Variants in IMMP2L observed in about 807,000 individuals in gnomAD.
The protein encoded by IMMP2L is inner mitochondrial membrane peptidase subunit 2, also known as mitochondrial inner membrane protease subunit 2.
IMMP2L carries 18 observed loss-of-function variants against 19.3 expected under a neutral mutation model. The ratio of observed to expected loss-of-function variants is 0.93; its 90% confidence interval spans 0.64 to 1.38. The LOEUF is 1.38. IMMP2L is among the 40% of genes most tolerant of loss of function. The pLI is 0.00. For missense variants in IMMP2L, 233 were observed against 218.2 expected (o/e 1.07, Z -0.43); for synonymous variants, 76 against 73.0 (o/e 1.04, Z -0.21).
intron 3 of IMMP2L, among the ~76,000 whole-genome samples, chr7:111,243,842 G>GAA (rs1554409865): frequency 2.9e-4 from 4 of 13,584 alleles, no homozygotes; most frequent in Non-Finnish European, 5.7e-4. Flanking sequence ...CAAAGGATAT[G>GAA]AACTCATCAT....
chr7:110,999,682 T>C (rs1823449449), intron 3 of IMMP2L, among the ~76,000 whole-genome samples: 1 of 152,066 alleles, frequency 6.6e-6, no homozygotes, highest in African/African-American at 2.4e-5. Flanking sequence ...GTTTCTTCTT[T>C]GTTTATTTGA....
chr7:110,875,386 T>C (rs1808963300), intron 5 of IMMP2L, among the ~76,000 whole-genome samples: 2 of 152,028 alleles, frequency 1.3e-5, no homozygotes, highest in Admixed American at 1.3e-4. Context: ...TGCTTTGTTT[T>C]TGTGTTTGTG....
chr7:111,176,990 A>C (rs537285992), intron 3 of IMMP2L, among the ~76,000 whole-genome samples: 1 of 152,176 alleles, frequency 6.6e-6, no homozygotes, highest in South Asian at 2.1e-4. Context: ...TATACACTTC[A>C]TTGGATGAAT....
intron 5 of IMMP2L, among the ~76,000 whole-genome samples, chr7:110,852,203 T>TGGAA (rs1423022603): frequency 7.2e-6 from 1 of 138,142 alleles, no homozygotes; most frequent in African/African-American, 2.8e-5. Context: ...GATGGAAGGA[T>TGGAA]GGATGGATGG....
At chr7:111,451,693 C>T (rs1423075132) in intron 3 of IMMP2L, among the ~76,000 whole-genome samples, 1 of 146,876 alleles carries the variant, frequency 6.8e-6, no homozygotes, top group Non-Finnish European at 1.5e-5. Context: ...GCACATGTAC[C>T]CTAAAACTTA....
At chr7:111,446,345 C>T (rs907976181) in intron 3 of IMMP2L, among the ~76,000 whole-genome samples, 3 of 142,562 alleles carry the variant, frequency 2.1e-5, no homozygotes, top group African/African-American at 8.7e-5. Context: ...TCTCCCAGCA[C>T]ACAGCTGGAG....
At position 110,955,528 on chromosome 7, in the gene IMMP2L, A is replaced by AGACAGGTG. The variant is rs555188278; in HGVS notation, c.305+7964_305+7971dup. 2.0e-4 allele frequency among the ~76,000 whole-genome samples: 30 copies of AGACAGGTG among 151,906 alleles called. No homozygotes were observed. In the South Asian group the frequency reaches 5.6e-3, roughly 28 times the overall value. On this transcript the variant is annotated intron_variant, in intron 4 of 5. Coordinates refer to ENST00000405709, the MANE Select transcript of IMMP2L (RefSeq NM_032549.4). Reference sequence around the variant, plus strand: ...GCATCGGTCAGACCCCAAGCAGTAAAGACAGGTGTACAATACTATTTTAAT... The same window carrying AGACAGGTG: ...GCATCGGTCAGACCCCAAGCAGTAAAGACAGGTGGACAGGTGTACAATACTATTTTAAT...
chr7:111,281,376 A>G (rs1819871270), intron 3 of IMMP2L, among the ~76,000 whole-genome samples: 1 of 152,176 alleles, frequency 6.6e-6, no homozygotes, highest in South Asian at 2.1e-4. Flanking sequence ...AATAAAATTT[A>G]GTAACCCCTT....
intron 3 of IMMP2L, among the ~76,000 whole-genome samples, chr7:111,484,412 T>G (rs543692705): frequency 6.6e-6 from 1 of 152,302 alleles, no homozygotes; most frequent in African/African-American, 2.4e-5. Context: ...ATTTTTTTAA[T>G]ATAAAAAGGT....
intron 3 of IMMP2L, among the ~76,000 whole-genome samples, chr7:111,134,330 G>A (rs554959750): frequency 1.3e-5 from 2 of 151,864 alleles, no homozygotes; most frequent in East Asian, 1.9e-4. Context: ...TTTCCAATTG[G>A]AACGTTGAAC....
intron 3 of IMMP2L, among the ~76,000 whole-genome samples, 177 bp from the exon 4 acceptor site, chr7:110,963,742 T>C (rs1008319325): frequency 6.6e-6 from 1 of 152,034 alleles, no homozygotes; most frequent in Non-Finnish European, 1.5e-5. Flanking sequence ...ACTGAAGTAA[T>C]TCTCATTTTA....
intron 3 of IMMP2L, among the ~76,000 whole-genome samples, chr7:111,312,289 C>A (rs1234118669): frequency 6.6e-6 from 1 of 152,080 alleles, no homozygotes; most frequent in Non-Finnish European, 1.5e-5. Context: ...TGAGTTCACT[C>A]ACATAAATAT....
intron 3 of IMMP2L, among the ~76,000 whole-genome samples, chr7:111,421,436 ATTTTT>A (rs1387133108): frequency 6.7e-6 from 1 of 148,900 alleles, no homozygotes; most frequent in Non-Finnish European, 1.5e-5. Flanking sequence ...TGCCCGGCTA[ATTTTT>A]TTTTGTATTT....
At chr7:110,930,892 T>C (rs547637742) in intron 4 of IMMP2L, among the ~76,000 whole-genome samples, 1 of 152,342 alleles carries the variant, frequency 6.6e-6, no homozygotes, top group African/African-American at 2.4e-5. Flanking sequence ...CATTTAAAAT[T>C]TATCCTTTAG....
chr7:111,494,370 AC>A, intron 2 of IMMP2L, among the ~76,000 whole-genome samples: 1 of 152,236 alleles, frequency 6.6e-6, no homozygotes, highest in African/African-American at 2.4e-5. Flanking sequence ...ACCCACCCTC[AC>A]CCAAGGTGGG....
At position 110,675,442 on chromosome 7, in the gene IMMP2L, C is replaced by T. The variant is rs141073798; in HGVS notation, c.409-11721G>A. On this transcript the variant is annotated intron_variant, in intron 5 of 5. Transcript: ENST00000405709. ...CGTATTTCATCAAAGGCAGAACCCA[C>T]TCCTCCTGGGCCTCTTACTGCAAGG... Among the ~76,000 whole-genome samples the T allele has an allele frequency of 2.0e-5, 3 of 152,304 alleles. No individual in the cohort carries two copies. The East Asian group carries it at 5.8e-4, about 29-fold the overall frequency.
At chr7:111,103,265 T>C (rs908966778) in intron 3 of IMMP2L, among the ~76,000 whole-genome samples, 4 of 151,582 alleles carry the variant, frequency 2.6e-5, no homozygotes, top group African/African-American at 9.7e-5. Flanking sequence ...TCTTTATCTC[T>C]ATCTATTCCG....
At chr7:111,006,149 T>C (rs1435711406) in intron 3 of IMMP2L, among the ~76,000 whole-genome samples, 2 of 152,128 alleles carry the variant, frequency 1.3e-5, no homozygotes, top group Non-Finnish European at 2.9e-5. Flanking sequence ...GACTTAATTG[T>C]CACTGTCATC....
In IMMP2L at chr7:110,840,162, G is replaced by A. The variant is rs1156276900; in HGVS notation, c.408+46431C>T. ...CCCTCCTATAGCTACAACCTCAACT[G>A]AAGCTCTTTGTAGGTCCTGGTAGTA... On this transcript the variant is annotated intron_variant, in intron 5 of 5. Coordinates refer to ENST00000405709, the MANE Select transcript of IMMP2L (RefSeq NM_032549.4). 2.0e-5 allele frequency among the ~76,000 whole-genome samples: 3 copies of A among 152,240 alleles called. No homozygotes were observed. The East Asian group carries it at 5.8e-4, about 29-fold the overall frequency.
Sources: gnomAD v4.1 joint callset for allele counts (sites outside exome capture counted in the v4.1 genomes callset) on GRCh38, gnomAD v4.1.1 for gene constraint, MANE v1.5 for transcripts, NCBI Gene and HGNC (gene_info 2026-07-23, HGNC 2026-07-21) for gene names.